Variants in NFATC2 observed in about 807,000 individuals in gnomAD.
NFATC2 encodes nuclear factor of activated T-cells, cytoplasmic 2.
NFATC2 carries 22 observed loss-of-function variants against 87.3 expected under a neutral mutation model. That is an observed-to-expected ratio of 0.25 (90% CI 0.18 to 0.36). NFATC2 has a LOEUF of 0.36. NFATC2 is among the 10% of genes least tolerant of loss of function. The pLI, the probability that NFATC2 is intolerant of heterozygous loss-of-function variation, is 1.00. For synonymous variants in NFATC2, 565 were observed against 542.2 expected (o/e 1.04, Z -0.58); for missense variants, 1,149 against 1,259.1 (o/e 0.91, Z 1.32).
chr20:51,544,432 T>C (rs988712384), upstream of NFATC2, among the ~76,000 whole-genome samples: 2 of 152,090 alleles, frequency 1.3e-5, no homozygotes, highest in African/African-American at 2.4e-5. Flanking sequence ...CCAGGAGGAA[T>C]TGAGGACACG....
intron 3 of NFATC2, among the ~76,000 whole-genome samples, chr20:51,514,171 G>A (rs2076315577): frequency 6.6e-6 from 1 of 152,190 alleles, no homozygotes; most frequent in African/African-American, 2.4e-5. Context: ...GCTCATGATG[G>A]TGAGAATTTC....
chr20:51,509,612 G>T (rs1036298949), intron 3 of NFATC2, among the ~76,000 whole-genome samples: 1 of 152,076 alleles, frequency 6.6e-6, no homozygotes, highest in South Asian at 2.1e-4. Context: ...CCTGTCTCAC[G>T]TCCCCAAACA....
Position 51,516,953 on chromosome 20 carries a change from A to T in NFATC2, c.1163T>A (p.Ile388Asn), listed in dbSNP as rs374687938. 5.6e-6 allele frequency: 9 copies of T among 1,601,924 alleles called. No individual in the cohort carries two copies. Among genetic ancestry groups the T allele is most frequent in the Non-Finnish European group, 6.8e-6 (8 of 1,173,718 alleles). Residue 388 changes from isoleucine to asparagine, a missense_variant and splice_region_variant, in exon 3 of 11, where the codon ATC becomes AAC. Ile to Asn is a moderately radical substitution (Grantham distance 149, BLOSUM62 -3). Around this residue, in one of 3 missense-constraint regions of NFATC2, gnomAD observed 563 missense variants for 585.2 expected, o/e 0.96. Coordinates refer to ENST00000371564, the MANE Select transcript of NFATC2 (RefSeq NM_012340.5). ...PLVPAIPICS[I>N]PVTASLPPLE... ...TGGAGGGAGGGATGCAGTCACTGGG[A>T]TGCTAAAGGAGAAAATAAAATCAGC...
At chr20:51,414,810 G>A (rs1010011586) in intron 9 of NFATC2, among the ~76,000 whole-genome samples, 1 of 152,160 alleles carries the variant, frequency 6.6e-6, no homozygotes, top group African/African-American at 2.4e-5. Context: ...CACAGCTGAG[G>A]GGTGGGCGAG....
In NFATC2 at chr20:51,406,947, T is replaced by G. The variant is rs139226479; in HGVS notation, c.2723-8217A>C. ...TAGCTGCCTGCCAGCACCCACCCACTGTCAGGACCCAGGGATCCCACTTGG... is the reference window on the plus strand; with the variant it reads ...TAGCTGCCTGCCAGCACCCACCCACGGTCAGGACCCAGGGATCCCACTTGG... On this transcript the variant is annotated intron_variant, in intron 9 of 10. Transcript: ENST00000371564. Among the ~76,000 whole-genome samples, 618 of 152,288 alleles carry G rather than the reference T, an allele frequency of 4.1e-3. 1 individual carries two copies. Among genetic ancestry groups the G allele is most frequent in the Non-Finnish European group, 5.6e-3 (382 of 68,014 alleles).
upstream of NFATC2, among the ~76,000 whole-genome samples, chr20:51,543,706 T>G (rs2076861057): frequency 6.6e-6 from 1 of 152,152 alleles, no homozygotes; most frequent in Admixed American, 6.5e-5. Flanking sequence ...CTCGTGAATG[T>G]GTATTTTTAA....
chr20:51,505,559 T>C (rs1360590113), intron 3 of NFATC2, among the ~76,000 whole-genome samples: 1 of 152,082 alleles, frequency 6.6e-6, no homozygotes, highest in Non-Finnish European at 1.5e-5. Context: ...TTCGAACCTG[T>C]GCCAGTATTC....
chr20:51,513,568 C>G (rs1361572210), intron 3 of NFATC2, among the ~76,000 whole-genome samples: 1 of 152,232 alleles, frequency 6.6e-6, no homozygotes, highest in Non-Finnish European at 1.5e-5. Context: ...GAAGCACAAA[C>G]TTCAGGGACA....
chr20:51,523,976 G>C lies in NFATC2; in HGVS notation c.265C>G (p.Pro89Ala). The change falls in exon 2 of 11, where the codon CCG (proline) becomes GCG (alanine). Residue 89 changes from proline to alanine, a missense_variant. Transcript: ENST00000371564. This position sits in a 1 kb window ranked among gnomAD's most constrained non-coding sequence, Gnocchi z 6.9. ...AACTTCTGCGGCCCTACCCTATCCGGCTCTCCGAATCGGCCGGGGGGCTCG... is the reference window on the plus strand; with the variant it reads ...AACTTCTGCGGCCCTACCCTATCCGCCTCTCCGAATCGGCCGGGGGGCTCG... Reference protein sequence around the residue: ...SGEPPGRFGEPDRVGPQKFLS... With the variant: ...SGEPPGRFGEADRVGPQKFLS... 6.3e-7 allele frequency: 1 copy of C among 1,579,976 alleles called. No homozygotes were observed. Among genetic ancestry groups the C allele is most frequent in the Non-Finnish European group, 8.6e-7 (1 of 1,169,132 alleles).
intron 3 of NFATC2, among the ~76,000 whole-genome samples, chr20:51,496,419 T>A (rs1307139474): frequency 6.6e-6 from 1 of 151,860 alleles, no homozygotes. Flanking sequence ...TTCCTTTACA[T>A]CCTGCAACCA....
chr20:51,428,309 T>A (rs1212326628), intron 9 of NFATC2, among the ~76,000 whole-genome samples: 2 of 152,162 alleles, frequency 1.3e-5, no homozygotes, highest in African/African-American at 4.8e-5. Flanking sequence ...ATGAACCATA[T>A]GTTTCTGAAG....
intron 3 of NFATC2, among the ~76,000 whole-genome samples, chr20:51,509,019 G>A (rs145697686): frequency 4.9e-4 from 74 of 151,906 alleles, no homozygotes; most frequent in Non-Finnish European, 4.7e-4. Context: ...CCCACGATCC[G>A]CCCCCCTATC....
intron 9 of NFATC2, among the ~76,000 whole-genome samples, chr20:51,408,029 A>T (rs931400666): frequency 8.5e-5 from 13 of 152,210 alleles, no homozygotes; most frequent in African/African-American, 3.1e-4. Context: ...AACCCTGGGC[A>T]TCCATCCGCT....
intron 9 of NFATC2, among the ~76,000 whole-genome samples, chr20:51,419,674 C>T (rs1181063406): frequency 6.6e-6 from 1 of 152,162 alleles, no homozygotes; most frequent in Admixed American, 6.5e-5. Context: ...AATAATCCTC[C>T]CAATAACCTC....
At chr20:51,397,889 A>G (rs1568925043) in intron 10 of NFATC2, among the ~76,000 whole-genome samples, 1 of 152,214 alleles carries the variant, frequency 6.6e-6, no homozygotes, top group East Asian at 1.9e-4. Context: ...GCATCTAAGA[A>G]GCTGAGGCAC....
At chr20:51,405,334 G>A (rs188748610) in intron 9 of NFATC2, among the ~76,000 whole-genome samples, 57 of 152,262 alleles carry the variant, frequency 3.7e-4, no homozygotes, top group East Asian at 1.5e-3. Flanking sequence ...GCTGCTCTTC[G>A]GGACTGGAGA....
At chr20:51,460,408 G>C (rs879194898) in intron 5 of NFATC2, among the ~76,000 whole-genome samples, 1 of 152,158 alleles carries the variant, frequency 6.6e-6, no homozygotes, top group Non-Finnish European at 1.5e-5. Context: ...AGGTCATTAC[G>C]AGGATTAAAC....
At chr20:51,457,267 C>A (rs1026677269) in intron 5 of NFATC2, among the ~76,000 whole-genome samples, 1 of 152,166 alleles carries the variant, frequency 6.6e-6, no homozygotes, top group Non-Finnish European at 1.5e-5. Flanking sequence ...GGCTTTTGGC[C>A]CCGGGGATGG....
chr20:51,522,283 G>A (rs2076458008), intron 2 of NFATC2, among the ~76,000 whole-genome samples: 1 of 148,610 alleles, frequency 6.7e-6, no homozygotes, highest in Admixed American at 6.7e-5. Flanking sequence ...CAAAAGCGGG[G>A]CGGGGGGGTC....
Sources: gnomAD v4.1 joint callset for allele counts (sites outside exome capture counted in the v4.1 genomes callset) on GRCh38, gnomAD v4.1.1 for gene constraint, gnomAD v4.1.1 regional missense constraint, Gnocchi (gnomAD v3.1) non-coding constraint, MANE v1.5 for transcripts, NCBI Gene and HGNC (gene_info 2026-07-23, HGNC 2026-07-21) for gene names.